CELF6: variants seen among roughly 807,000 people sequenced by gnomAD.
CELF6 encodes Bruno -like 6, RNA binding protein.
Under a neutral mutation model 53.1 loss-of-function variants are expected in CELF6, and 32 were observed. That is an observed-to-expected ratio of 0.60 (90% CI 0.46 to 0.81). The LOEUF (loss-of-function observed/expected upper bound fraction) is 0.81, where lower values mean the gene tolerates loss of function less well. Among genes scored for constraint, CELF6 ranks in the 30% least tolerant of loss-of-function variants. The pLI is 0.00. For synonymous variants in CELF6, 291 were observed against 288.8 expected (o/e 1.01, Z -0.08); for missense variants, 539 against 669.5 (o/e 0.81, Z 2.15).
chr15:72,291,306 G>C (rs1436986979), intron 3 of CELF6, among the ~76,000 whole-genome samples: 1 of 152,180 alleles, frequency 6.6e-6, no homozygotes, highest in Non-Finnish European at 1.5e-5. Flanking sequence ...TGGGAGCGTG[G>C]GGTAGAGGGG....
At chr15:72,305,945 C>T (rs1298234968) in intron 2 of CELF6, among the ~76,000 whole-genome samples, 4 of 151,974 alleles carry the variant, frequency 2.6e-5, no homozygotes, top group East Asian at 3.9e-4. Context: ...ATCCCTTCCC[C>T]GCTCCCACCA....
At chr15:72,304,685 G>T in intron 3 of CELF6, 61 bp downstream of exon 3, 2 of 1,478,422 alleles carry the variant, frequency 1.4e-6, no homozygotes, top group Non-Finnish European at 1.9e-6. Context: ...CAGACTCCAG[G>T]TGTGGGCCCA....
rs550230830 is a variant in CELF6 at position 72,288,872 on chromosome 15, G to A, written c.1089C>T (p.Tyr363=). ...LQQAYAGMHH[Y]AAAYPSAYAP... is the part of the protein sequence containing the mutation. ...CCGCGTAGCGCCAAGTGAAACCTGCGTAGTGGTGCATCCCAGCGTAGGCCT... is the reference window on the plus strand; with the variant it reads ...CCGCGTAGCGCCAAGTGAAACCTGCATAGTGGTGCATCCCAGCGTAGGCCT... Residue 363 remains tyrosine (Y), a synonymous_variant, in exon 9 of 13, where the codon TAC becomes TAT. Coordinates refer to ENST00000287202, the MANE Select transcript of CELF6 (RefSeq NM_052840.5). The surrounding 1 kb of genome is among the most constrained non-coding windows in gnomAD (Gnocchi z 4.6). 4.0e-5 allele frequency: 62 copies of A among 1,550,780 alleles called. No homozygotes were observed. The highest frequency in any genetic ancestry group is 9.8e-5 in the Admixed American group (5 of 50,996).
chr15:72,298,102 C>G (rs1209072948), intron 3 of CELF6, among the ~76,000 whole-genome samples: 2 of 152,178 alleles, frequency 1.3e-5, no homozygotes, highest in African/African-American at 4.8e-5. Context: ...TTGCTAAGGT[C>G]TATTTCTGAT....
chr15:72,315,917 G>A lies in CELF6; in HGVS notation c.273C>T (p.Phe91=), dbSNP rs767734642. 1.0e-4 allele frequency: 162 copies of A among 1,607,060 alleles called. No individual in the cohort carries two copies. Among genetic ancestry groups the A allele is most frequent in the Non-Finnish European group, 1.4e-4 (159 of 1,177,000 alleles). Residue 91 remains phenylalanine, a synonymous_variant, in exon 2 of 13, where the codon TTC becomes TTT. Coordinates refer to ENST00000287202, the MANE Select transcript of CELF6 (RefSeq NM_052840.5). ...CAGAGTCCCGGGCGCAGTAGGTGAG[G>A]AAGGCACAGCCTGAGGAGGAAGAGG... ...RLTGLHKGCA[F]LTYCARDSAL...
chr15:72,320,068 G>A lies in CELF6; in HGVS notation c.-194C>T, dbSNP rs1267546580. ...CGGGCAGGAAAGGGGCGGGGCCGGG[G>A]CGGGGCGGGCCCGGGCCGAGGTGGC... On this transcript the variant is annotated 5_prime_UTR_variant, in exon 1 of 13. Transcript: ENST00000287202. 1 of 633,252 alleles carries A rather than the reference G, an allele frequency of 1.6e-6. No homozygotes were observed. Among genetic ancestry groups the A allele is most frequent in the Non-Finnish European group, 2.9e-6 (1 of 344,730 alleles). 39.2% of individuals were successfully genotyped at this position (633,252 alleles called of 1,614,324 possible).
rs548660024 is a variant in CELF6 at position 72,299,591 on chromosome 15, G to A, written c.394+5155C>T. Among the ~76,000 whole-genome samples the A allele has an allele frequency of 7.2e-5, 11 of 152,064 alleles. No individual in the cohort carries two copies. In the East Asian group the frequency reaches 2.0e-3, roughly 27 times the overall value. Reference sequence around the variant, plus strand: ...GCCCAGGCTGGTCTTGAACTCCTGAGCTCAGCCAATCCACCCGCCTCGGCC... The same window carrying A: ...GCCCAGGCTGGTCTTGAACTCCTGAACTCAGCCAATCCACCCGCCTCGGCC... On this transcript the variant is annotated intron_variant, in intron 3 of 12. Coordinates refer to ENST00000287202, the MANE Select transcript of CELF6 (RefSeq NM_052840.5).
Position 72,288,878 on chromosome 15 carries a change from G to A in CELF6, c.1083C>T (p.His361=), listed in dbSNP as rs1166169746. ...DPLQQAYAGM[H]HYAAAYPSAY... ...AGCGCCAAGTGAAACCTGCGTAGTGGTGCATCCCAGCGTAGGCCTGCTGCA... is the reference window on the plus strand; with the variant it reads ...AGCGCCAAGTGAAACCTGCGTAGTGATGCATCCCAGCGTAGGCCTGCTGCA... The change falls in exon 9 of 13, where the codon CAC becomes CAT. Residue 361 remains histidine (H), a synonymous_variant. Coordinates refer to ENST00000287202, the MANE Select transcript of CELF6 (RefSeq NM_052840.5). This position sits in a 1 kb window ranked among gnomAD's most constrained non-coding sequence, Gnocchi z 4.6. 1.3e-6 allele frequency: 2 copies of A among 1,550,952 alleles called. No individual in the cohort carries two copies. Among genetic ancestry groups the A allele is most frequent in the South Asian group, 1.2e-5 (1 of 84,066 alleles).
chr15:72,301,607 C>G (rs1382440503), intron 3 of CELF6, among the ~76,000 whole-genome samples: 1 of 152,080 alleles, frequency 6.6e-6, no homozygotes, highest in Non-Finnish European at 1.5e-5. Context: ...TGTGTGTGAC[C>G]ATTGACTCTG....
At chr15:72,296,993 T>C (rs1321766729) in intron 3 of CELF6, among the ~76,000 whole-genome samples, 1 of 152,208 alleles carries the variant, frequency 6.6e-6, no homozygotes, top group Non-Finnish European at 1.5e-5. Context: ...CAAAAATTAA[T>C]CTATAATTTT....
At chr15:72,313,623 C>T (rs1189371045) in intron 2 of CELF6, 4 of 225,840 alleles carry the variant, frequency 1.8e-5, no homozygotes, top group African/African-American at 2.3e-5. Flanking sequence ...TCCATGCTCA[C>T]GTGGGCCTCC....
Position 72,319,731 on chromosome 15 carries a change from G to A in CELF6, c.144C>T (p.Leu48=). ...AGCCCCGCGGGATCTGCCCCACGAA[G>A]AGCTTGATGGCGTCGTGGTCCTTCA... The part of the protein sequence containing the change: ...VPMKDHDAIK[L]FVGQIPRGLD... Residue 48 remains leucine, a synonymous_variant, in exon 1 of 13, where the codon CTC becomes CTT. Coordinates refer to ENST00000287202, the MANE Select transcript of CELF6 (RefSeq NM_052840.5). The surrounding 1 kb of genome is among the most constrained non-coding windows in gnomAD (Gnocchi z 5.0). 1 of 1,602,142 alleles carries A rather than the reference G, an allele frequency of 6.2e-7. No homozygotes were observed. Among genetic ancestry groups the A allele is most frequent in the Non-Finnish European group, 8.5e-7 (1 of 1,174,192 alleles).
chr15:72,318,794 C>T (rs1227622245), intron 1 of CELF6, among the ~76,000 whole-genome samples: 1 of 152,046 alleles, frequency 6.6e-6, no homozygotes, highest in Non-Finnish European at 1.5e-5. Context: ...TGGGGAGGAG[C>T]AAAGAAGAGG....
chr15:72,287,205 C>A, intron 12 of CELF6, 32 bp downstream of exon 12: 1 of 1,587,090 alleles, frequency 6.3e-7, no homozygotes, highest in Non-Finnish European at 8.6e-7. Flanking sequence ...ATCACTCAGG[C>A]CTCATCTACC....
intron 3 of CELF6, among the ~76,000 whole-genome samples, chr15:72,298,322 C>G (rs548201513): frequency 2.0e-5 from 3 of 152,202 alleles, no homozygotes; most frequent in Admixed American, 2.0e-4. Context: ...CTTGCAAATT[C>G]AGGCAGAAAT....
rs7174583 is a variant in CELF6 at position 72,292,894 on chromosome 15, G to A, written c.395-2639C>T. ...AATATAAAAATAGCCAGGCGTGGTGGCACATGCCTATAATCCCAGCTATTC... is the reference window on the plus strand; with the variant it reads ...AATATAAAAATAGCCAGGCGTGGTGACACATGCCTATAATCCCAGCTATTC... On this transcript the variant is annotated intron_variant, in intron 3 of 12. Transcript: ENST00000287202. Among the ~76,000 whole-genome samples, 225 of 152,352 alleles carry A rather than the reference G, an allele frequency of 1.5e-3. 3 individuals carry two copies. Among genetic ancestry groups the A allele is most frequent in the Non-Finnish European group, 2.1e-3 (143 of 68,032 alleles).
chr15:72,310,874 C>T (rs2088285877), intron 2 of CELF6, among the ~76,000 whole-genome samples: 1 of 152,130 alleles, frequency 6.6e-6, no homozygotes, highest in Admixed American at 6.5e-5. Flanking sequence ...CCTGTTAAAG[C>T]CCAAGATTCT....
intron 2 of CELF6, among the ~76,000 whole-genome samples, chr15:72,315,485 C>T (rs764042594): frequency 1.9e-4 from 29 of 152,178 alleles, no homozygotes; most frequent in Non-Finnish European, 3.1e-4. Context: ...AATGGGCTAC[C>T]AGTCCAGCAG....
At position 72,319,883 on chromosome 15, in the gene CELF6, C is replaced by T. The variant is rs2088407403; in HGVS notation, c.-9G>A. On this transcript the variant is annotated 5_prime_UTR_variant, in exon 1 of 13. Coordinates refer to ENST00000287202, the MANE Select transcript of CELF6 (RefSeq NM_052840.5). The surrounding 1 kb of genome is among the most constrained non-coding windows in gnomAD (Gnocchi z 5.0). ...CCCGGCGCCGCGGCCATGTCCCCGCCCTGTCAGCCCTCCCGCCGGTCCCAC... is the reference window on the plus strand; with the variant it reads ...CCCGGCGCCGCGGCCATGTCCCCGCTCTGTCAGCCCTCCCGCCGGTCCCAC... 2 of 1,455,326 alleles carry T rather than the reference C, an allele frequency of 1.4e-6. No homozygotes were observed. Among genetic ancestry groups the T allele is most frequent in the African/African-American group, 1.5e-5 (1 of 68,962 alleles). 90.2% of individuals were successfully genotyped at this position (1,455,326 alleles called of 1,614,324 possible).
Sources: allele counts gnomAD v4.1 joint callset (sites outside exome capture counted in the v4.1 genomes callset), GRCh38; gene constraint gnomAD v4.1.1; non-coding constraint Gnocchi (gnomAD v3.1); transcripts MANE v1.5; gene names NCBI Gene and HGNC (gene_info 2026-07-23, HGNC 2026-07-21).